MPO: variants seen among roughly 807,000 people sequenced by gnomAD.
MPO encodes myeloperoxidase.
Under a neutral mutation model 69.4 loss-of-function variants are expected in MPO, and 57 were observed. The observed-to-expected ratio is 0.82, with a 90% confidence interval of 0.66 to 1.02. The LOEUF is 1.02. MPO is among the 50% of genes least tolerant of loss of function. The pLI, the probability that MPO is intolerant of heterozygous loss-of-function variation, is 0.00. For missense variants in MPO, 971 were observed against 1,014.1 expected, an observed-to-expected ratio of 0.96 and a Z score of 0.58; for synonymous variants, 426 against 417.1, an observed-to-expected ratio of 1.02 and a Z score of -0.26.
In MPO at chr17:58,270,257, A is replaced by G; in HGVS notation, c.*399T>C. 3.2e-6 allele frequency: 1 copy of G among 317,080 alleles called. No individual in the cohort carries two copies. The highest frequency in any genetic ancestry group is 6.2e-6 in the Non-Finnish European group (1 of 162,108). The allele number at this position is 317,080 out of a possible 1,614,324, so 19.6% of individuals were successfully genotyped here. A position where few individuals can be genotyped will look rare whatever the true frequency, so the allele number is the denominator to read the frequency against. ...ACAGATGTAATTTACAAGGAAGAAA[A>G]CTCTTGTTTAAGGAGGGTAATTTGC... On this transcript the variant is annotated 3_prime_UTR_variant, in exon 12 of 12. Transcript: ENST00000225275. The surrounding 1 kb of genome is among the most constrained non-coding windows in gnomAD (Gnocchi z 4.1).
rs746155384 is a variant in MPO, at chr17:58,273,426, C to T, written c.1609G>A (p.Val537Ile). The change falls in exon 9 of 12, where the codon GTC (valine) becomes ATC (isoleucine). Residue 537 changes from valine (V) to isoleucine (I), a missense_variant. Transcript: ENST00000225275. ...LSRVFFASWR[V>I]VLEGGIDPIL... ...AGGTCCTGCTTACCTTCCAGCACGACCCTCCAGGAGGCAAAAAAGACCCTG... is the reference window on the plus strand; with the variant it reads ...AGGTCCTGCTTACCTTCCAGCACGATCCTCCAGGAGGCAAAAAAGACCCTG... The T allele has an allele frequency of 4.3e-6, 7 of 1,614,076 alleles. No homozygotes were observed. The highest frequency in any genetic ancestry group is 1.7e-5 in the Admixed American group (1 of 60,008).
intron 8 of MPO, among the ~76,000 whole-genome samples, chr17:58,273,948 T>C (rs1970402205): frequency 6.6e-6 from 1 of 152,234 alleles, no homozygotes; most frequent in African/African-American, 2.4e-5. Context: ...TAAGGATAAT[T>C]ATATTGCCCT....
intron 6 of MPO, 81 bp from the exon 7 acceptor site, chr17:58,278,226 A>G (rs955834952): frequency 6.6e-7 from 1 of 1,510,862 alleles, no homozygotes; most frequent in Admixed American, 1.7e-5. Flanking sequence ...CCCTGCCCTC[A>G]GGACCTCTGG....
intron 10 of MPO, among the ~76,000 whole-genome samples, chr17:58,272,364 G>T (rs1970376546): frequency 6.6e-6 from 1 of 152,176 alleles, no homozygotes; most frequent in African/African-American, 2.4e-5. Flanking sequence ...TAGAGAACCT[G>T]GCCAGGTTCT....
chr17:58,279,169 G>A lies in MPO; in HGVS notation c.724C>T (p.Leu242=), dbSNP rs1430990276. 1.2e-6 allele frequency: 2 copies of A among 1,611,660 alleles called. No homozygotes were observed. The highest frequency in any genetic ancestry group is 1.7e-6 in the Non-Finnish European group (2 of 1,178,974). The change falls in exon 6 of 12, where the codon CTG becomes TTG. Residue 242 remains leucine (L), a synonymous_variant. Transcript: ENST00000225275. ...NEIVRFPTDQ[L]TPDQERSLMF... ...AGTGAGCGCTCCTGGTCCGGAGTCA[G>A]CTGATCAGTGGGGAAGCGCACGATC...
At position 58,276,018 on chromosome 17, in the gene MPO, C is replaced by G. The variant is rs139054139; in HGVS notation, c.1205-316G>C. Among the ~76,000 whole-genome samples, 249 of 152,298 alleles carry G rather than the reference C, an allele frequency of 1.6e-3. 1 individual carries two copies. Among genetic ancestry groups the G allele is most frequent in the Middle Eastern group, 3.4e-3 (1 of 294 alleles). On this transcript the variant is annotated intron_variant, in intron 7 of 11. Coordinates refer to ENST00000225275, the MANE Select transcript of MPO (RefSeq NM_000250.2). ...GAGCTCCTTGAGCACAGGACCAAGG[C>G]TTGTGCCTTTTTATATTTTACCCTC...
At chr17:58,272,473 C>T (rs144465529) in intron 10 of MPO, among the ~76,000 whole-genome samples, 110 of 152,276 alleles carry the variant, frequency 7.2e-4, no homozygotes, top group African/African-American at 2.5e-3. Context: ...GGAATGATGA[C>T]AGAGACAGAT....
At chr17:58,278,296 A>C in intron 6 of MPO, 151 bp from the exon 7 acceptor site, 1 of 824,092 alleles carries the variant, frequency 1.2e-6, no homozygotes. Context: ...CTAGGGCGCC[A>C]TCAGCAACAG....
rs1206534830 is a variant in MPO at position 58,280,751 on chromosome 17, ACCC to A, written c.5_7del (p.Gly2del). On this transcript the variant is annotated inframe_deletion, in exon 1 of 12. Transcript: ENST00000225275. ...GCATCTGAGAGAAGAGAAGAAGGGA[ACCC>A]CCATCTCTCTTCTCCTGGGCTGCTC... 1.2e-6 allele frequency: 2 copies of A among 1,613,940 alleles called. No homozygotes were observed. The highest frequency in any genetic ancestry group is 1.7e-6 in the Non-Finnish European group (2 of 1,179,956).
At position 58,274,321 on chromosome 17, in the gene MPO, G is replaced by A. The variant is rs189665189; in HGVS notation, c.1366-652C>T. On this transcript the variant is annotated intron_variant, in intron 8 of 11. Coordinates refer to ENST00000225275, the MANE Select transcript of MPO (RefSeq NM_000250.2). Reference sequence around the variant, plus strand: ...AAATCAAAAACTCACCCTTAGCACCGAAAACTCTCTCCTCCAGAATCTAGG... The same window carrying A: ...AAATCAAAAACTCACCCTTAGCACCAAAAACTCTCTCCTCCAGAATCTAGG... The A allele has an allele frequency of 7.6e-4, 338 of 443,212 alleles. 1 individual carries two copies. The highest frequency in any genetic ancestry group is 5.2e-3 in the African/African-American group (259 of 49,356). The allele number at this position is 443,212 out of a possible 1,614,324, so 27.5% of individuals were successfully genotyped here. A position where few individuals can be genotyped will look rare whatever the true frequency, so the allele number is the denominator to read the frequency against.
At chr17:58,274,623 C>T (rs1157699015) in intron 8 of MPO, among the ~76,000 whole-genome samples, 1 of 151,882 alleles carries the variant, frequency 6.6e-6, no homozygotes, top group African/African-American at 2.4e-5. Flanking sequence ...AGTTTGAGAC[C>T]ACACTGGGTA....
rs754585701 is a variant in MPO at position 58,270,246 on chromosome 17, C to G, written c.*410G>C. 1 of 309,076 alleles carries G rather than the reference C, an allele frequency of 3.2e-6. No homozygotes were observed. Among genetic ancestry groups the G allele is most frequent in the Non-Finnish European group, 6.3e-6 (1 of 157,966 alleles). The allele number at this position is 309,076 out of a possible 1,614,324, so 19.1% of individuals were successfully genotyped here. A position where few individuals can be genotyped will look rare whatever the true frequency, so the allele number is the denominator to read the frequency against. On this transcript the variant is annotated 3_prime_UTR_variant, in exon 12 of 12. Transcript: ENST00000225275. This position sits in a 1 kb window ranked among gnomAD's most constrained non-coding sequence, Gnocchi z 4.1. ...AAGAAACCATGACAGATGTAATTTA[C>G]AAGGAAGAAAACTCTTGTTTAAGGA... is the stretch of plus-strand genomic sequence containing the variant.
At chr17:58,277,781 A>G in intron 7 of MPO, 46 bp downstream of exon 7, 1 of 1,597,918 alleles carries the variant, frequency 6.3e-7, no homozygotes, top group Non-Finnish European at 8.5e-7. Flanking sequence ...TGGCTCCAAC[A>G]GGGAACATCT....
chr17:58,274,439 C>G (rs1008982808), intron 8 of MPO, among the ~76,000 whole-genome samples: 1 of 151,520 alleles, frequency 6.6e-6, no homozygotes, highest in Non-Finnish European at 1.5e-5. Flanking sequence ...CAATGAAGCA[C>G]CAGATGTTGA....
chr17:58,271,132 C>T (rs1451083208), intron 11 of MPO, among the ~76,000 whole-genome samples: 1 of 152,174 alleles, frequency 6.6e-6, no homozygotes, highest in East Asian at 1.9e-4. Context: ...GGGACCCGGG[C>T]CCACACACAC....
chr17:58,278,150 G>A lies in MPO; in HGVS notation c.886-5C>T, dbSNP rs1469378412. Reference sequence around the variant, plus strand: ...GCGGGGGTCATTGGGCGGGATCTGAGGCACAGAGAGAGGCTAGACTGGCTC... The same window carrying A: ...GCGGGGGTCATTGGGCGGGATCTGAAGCACAGAGAGAGGCTAGACTGGCTC... On this transcript the variant is annotated splice_region_variant and splice_polypyrimidine_tract_variant and intron_variant, in intron 6 of 11. Transcript: ENST00000225275. 20 of 1,600,310 alleles carry A rather than the reference G, an allele frequency of 1.2e-5. No individual in the cohort carries two copies. The highest frequency in any genetic ancestry group is 6.7e-5 in the Admixed American group (4 of 60,010).
Position 58,275,758 on chromosome 17 carries a change from G to A in MPO, c.1205-56C>T. On this transcript the variant is annotated intron_variant, in intron 7 of 11. Transcript: ENST00000225275. This position sits in a 1 kb window ranked among gnomAD's most constrained non-coding sequence, Gnocchi z 4.1. ...AAGGCCTCCATCCCAGAAAAGATTTGCTCCACTGAAACCCCCTCCCCAGCC... is the reference window on the plus strand; with the variant it reads ...AAGGCCTCCATCCCAGAAAAGATTTACTCCACTGAAACCCCCTCCCCAGCC... 6.2e-7 allele frequency: 1 copy of A among 1,604,382 alleles called. No individual in the cohort carries two copies. The highest frequency in any genetic ancestry group is 1.3e-5 in the African/African-American group (1 of 74,788).
chr17:58,279,973 T>G lies in MPO; in HGVS notation c.290A>C (p.Glu97Ala), dbSNP rs1239627292. The change falls in exon 3 of 12, where the codon GAA (glutamate) becomes GCA (alanine). Residue 97 changes from glutamate (E) to alanine (A), a missense_variant. Coordinates refer to ENST00000225275, the MANE Select transcript of MPO (RefSeq NM_000250.2). ...RLRSGSASPM[E>A]LLSYFKQPVA... The stretch of plus-strand genomic sequence containing the variant: ...CGGCTGCTTGAAGTAGGATAGGAGT[T>G]CCATGGGGCTGGCTGAGCCGCTGCG... 6.2e-7 allele frequency: 1 copy of G among 1,613,192 alleles called. No homozygotes were observed. The highest frequency in any genetic ancestry group is 8.5e-7 in the Non-Finnish European group (1 of 1,179,942).
Position 58,280,762 on chromosome 17 carries a change from T to C in MPO, c.-4A>G. 2 of 1,614,128 alleles carry C rather than the reference T, an allele frequency of 1.2e-6. No individual in the cohort carries two copies. Among genetic ancestry groups the C allele is most frequent in the Non-Finnish European group, 1.7e-6 (2 of 1,179,998 alleles). On this transcript the variant is annotated 5_prime_UTR_variant, in exon 1 of 12. Coordinates refer to ENST00000225275, the MANE Select transcript of MPO (RefSeq NM_000250.2). ...AAGAGAAGAAGGGAACCCCCATCTC[T>C]CTTCTCCTGGGCTGCTCAATCCCCC...
Sources: allele counts gnomAD v4.1 joint callset (sites outside exome capture counted in the v4.1 genomes callset), GRCh38; gene constraint gnomAD v4.1.1; non-coding constraint Gnocchi (gnomAD v3.1); transcripts MANE v1.5; gene names NCBI Gene and HGNC (gene_info 2026-07-23, HGNC 2026-07-21).